MAML2: variants seen among roughly 807,000 people sequenced by gnomAD.
MAML2 encodes the protein mastermind-like protein 2.
A neutral mutation model predicts 96.1 loss-of-function variants in MAML2; 22 were observed. That is an observed-to-expected ratio of 0.23 (90% confidence interval 0.16 to 0.33). MAML2 has a LOEUF of 0.33. Ranked by LOEUF, MAML2 falls within the 10% of genes least tolerant of loss-of-function variation. MAML2 has a pLI of 1.00. For missense variants in MAML2, 1,367 were observed against 1,392.4 expected (o/e 0.98, Z 0.29); for synonymous variants, 561 against 521.3 (o/e 1.08, Z -1.04).
chr11:96,038,112 T>C (rs543551425), intron 2 of MAML2, among the ~76,000 whole-genome samples: 1 of 152,318 alleles, frequency 6.6e-6, no homozygotes, highest in East Asian at 1.9e-4. Flanking sequence ...TAATATAAAA[T>C]GAAGGAATCT....
intron 1 of MAML2, among the ~76,000 whole-genome samples, chr11:96,325,548 A>G (rs1326824002): frequency 6.6e-6 from 1 of 152,180 alleles, no homozygotes; most frequent in Non-Finnish European, 1.5e-5. Flanking sequence ...TAGGTCATGT[A>G]CATATATTAT....
chr11:96,326,359 G>C (rs559410), intron 1 of MAML2, among the ~76,000 whole-genome samples: 4,104 of 33,228 alleles, frequency 0.12, 149 homozygotes, highest in African/African-American at 0.45. Flanking sequence ...ACACTAAAGC[G>C]TGTGTGTGTG....
Position 96,092,033 on chromosome 11 carries a change from T to C in MAML2, c.1998A>G (p.Pro666=), listed in dbSNP as rs1437886979. ...QQQQQQQQQQ[P]SSQPAQSLPS... is the part of the protein sequence containing the mutation. ...GTAGAGATTGGGCAGGCTGAGAAGA[T>C]GGTTGTTGCTGCTGCTGCTGCTGCT... The change falls in exon 2 of 5, where the codon CCA becomes CCG. Residue 666 remains proline, a synonymous_variant. Transcript: ENST00000524717. This position sits in a 1 kb window ranked among gnomAD's most constrained non-coding sequence, Gnocchi z 4.1. The C allele has an allele frequency of 5.8e-6, 9 of 1,559,178 alleles. No homozygotes were observed. The highest frequency in any genetic ancestry group is 7.8e-6 in the Non-Finnish European group (9 of 1,151,630).
intron 1 of MAML2, among the ~76,000 whole-genome samples, chr11:96,166,764 T>A (rs1223740722): frequency 6.6e-6 from 1 of 152,132 alleles, no homozygotes; most frequent in East Asian, 1.9e-4. Flanking sequence ...TTTAGAGGAG[T>A]TTCATTTTCC....
intron 1 of MAML2, among the ~76,000 whole-genome samples, chr11:96,313,783 A>G (rs78482221): frequency 0.014 from 2,161 of 152,302 alleles, 34 homozygotes; most frequent in Non-Finnish European, 0.025. Context: ...GAATAAAAAG[A>G]CAAATATACC....
At position 96,337,069 on chromosome 11, in the gene MAML2, T is replaced by G. The variant is rs563822993; in HGVS notation, c.513+4314A>C. On this transcript the variant is annotated intron_variant, in intron 1 of 4. Coordinates refer to ENST00000524717, the MANE Select transcript of MAML2 (RefSeq NM_032427.4). The stretch of plus-strand genomic sequence containing the variant: ...TAACTCCTCTCTCCACTTGAACCCT[T>G]TTGCCTTTGTGAGATCTTATAATTA... Among the ~76,000 whole-genome samples, 21 of 152,324 alleles carry G rather than the reference T, an allele frequency of 1.4e-4. No individual in the cohort carries two copies. The South Asian group carries it at 4.3e-3, about 32-fold the overall frequency.
intron 1 of MAML2, among the ~76,000 whole-genome samples, chr11:96,331,776 C>T (rs1297811954): frequency 1.4e-5 from 2 of 146,630 alleles, no homozygotes; most frequent in African/African-American, 2.6e-5. Context: ...CAAGATTGCA[C>T]TGCTGCACTC....
chr11:96,112,130 T>G (rs1591020107), intron 1 of MAML2, among the ~76,000 whole-genome samples: 1 of 152,330 alleles, frequency 6.6e-6, no homozygotes, highest in South Asian at 2.1e-4. Context: ...TTTTTAAAAA[T>G]GGAAACAGAA....
chr11:96,316,535 A>T (rs972992647), intron 1 of MAML2, among the ~76,000 whole-genome samples: 1 of 152,058 alleles, frequency 6.6e-6, no homozygotes, highest in African/African-American at 2.4e-5. Flanking sequence ...ACATAATAAA[A>T]GGCCCTCTGG....
At position 96,118,756 on chromosome 11, in the gene MAML2, T is replaced by C. The variant is rs183804522; in HGVS notation, c.514-25239A>G. The stretch of plus-strand genomic sequence containing the variant: ...AGGAACAGAATAAGTCAAGAAGTGA[T>C]GCAAAAAAATCTCCTGCCTCTTGCT... On this transcript the variant is annotated intron_variant, in intron 1 of 4. Coordinates refer to ENST00000524717, the MANE Select transcript of MAML2 (RefSeq NM_032427.4). Among the ~76,000 whole-genome samples the C allele has an allele frequency of 2.1e-3, 319 of 152,202 alleles. 2 individuals are homozygous for C. The highest frequency in any genetic ancestry group is 5.5e-3 in the Admixed American group (84 of 15,290).
chr11:96,130,329 C>T (rs1216713985), intron 1 of MAML2, among the ~76,000 whole-genome samples: 1 of 152,200 alleles, frequency 6.6e-6, no homozygotes, highest in African/African-American at 2.4e-5. Context: ...TAACATGGTT[C>T]AGAAACTCAA....
At chr11:96,280,385 G>C (rs1359030544) in intron 1 of MAML2, among the ~76,000 whole-genome samples, 3 of 152,092 alleles carry the variant, frequency 2.0e-5, no homozygotes, top group Non-Finnish European at 4.4e-5. Context: ...TTTCCTGCTG[G>C]GTGAAAACGC....
At chr11:96,139,406 G>A (rs1030206104) in intron 1 of MAML2, among the ~76,000 whole-genome samples, 1 of 151,466 alleles carries the variant, frequency 6.6e-6, no homozygotes, top group African/African-American at 2.4e-5. Context: ...GAACCTGGGA[G>A]GCAGAGCTTG....
chr11:96,096,489 G>C (rs1859831188), intron 1 of MAML2, among the ~76,000 whole-genome samples: 1 of 152,158 alleles, frequency 6.6e-6, no homozygotes, highest in Non-Finnish European at 1.5e-5. Flanking sequence ...CAGGTTTAGA[G>C]GTTGAGTATC....
At chr11:96,277,733 C>CAAAAAA (rs55970384) in intron 1 of MAML2, among the ~76,000 whole-genome samples, 3 of 73,498 alleles carry the variant, frequency 4.1e-5, no homozygotes, top group Non-Finnish European at 5.8e-5. Flanking sequence ...CACTCTGCCT[C>CAAAAAA]AAAAAAAAAA....
chr11:96,012,553 C>A (rs192676908), intron 2 of MAML2, among the ~76,000 whole-genome samples: 1 of 152,262 alleles, frequency 6.6e-6, no homozygotes, highest in East Asian at 1.9e-4. Flanking sequence ...CATGTCTTGA[C>A]TTTTATTCTG....
chr11:96,165,308 G>A (rs1861174346), intron 1 of MAML2, among the ~76,000 whole-genome samples: 1 of 152,136 alleles, frequency 6.6e-6, no homozygotes, highest in South Asian at 2.1e-4. Flanking sequence ...AGTTTCCGAT[G>A]TGGTGGCTTT....
intron 1 of MAML2, among the ~76,000 whole-genome samples, chr11:96,218,725 T>C (rs1461017424): frequency 6.6e-6 from 1 of 152,172 alleles, no homozygotes; most frequent in African/African-American, 2.4e-5. Context: ...TTCCCTCCAA[T>C]TCCTGACTGG....
At chr11:96,110,605 A>G (rs554714356) in intron 1 of MAML2, among the ~76,000 whole-genome samples, 25 of 152,220 alleles carry the variant, frequency 1.6e-4, no homozygotes, top group Non-Finnish European at 3.4e-4. Flanking sequence ...AGGCCACAAT[A>G]AACACAGATA....
Sources: gnomAD v4.1 joint callset for allele counts (sites outside exome capture counted in the v4.1 genomes callset) on GRCh38, gnomAD v4.1.1 for gene constraint, Gnocchi (gnomAD v3.1) non-coding constraint, MANE v1.5 for transcripts, NCBI Gene and HGNC (gene_info 2026-07-23, HGNC 2026-07-21) for gene names.